Variants in ZDHHC7 observed in about 807,000 individuals in gnomAD.
The protein encoded by ZDHHC7 is palmitoyltransferase ZDHHC7.
A neutral mutation model predicts 34.1 loss-of-function variants in ZDHHC7; 12 were observed. The observed-to-expected ratio is 0.35, with a 90% CI of 0.23 to 0.57. ZDHHC7 has a LOEUF of 0.57. Among genes scored for constraint, ZDHHC7 ranks in the 20% least tolerant of loss-of-function variants. The pLI, the probability that ZDHHC7 is intolerant of heterozygous loss-of-function variation, is 0.84. For synonymous variants in ZDHHC7, 185 were observed against 155.4 expected (o/e 1.19, Z -1.42); for missense variants, 388 against 402.7 (o/e 0.96, Z 0.31).
rs1049586752 is a variant in ZDHHC7, at chr16:84,993,700, G to A, written c.-18+2222C>T. 2.6e-5 allele frequency among the ~76,000 whole-genome samples: 4 copies of A among 152,122 alleles called. No individual in the cohort carries two copies. The East Asian group carries it at 5.8e-4, about 22-fold the overall frequency. ...TAAAAATAATCATTTGAGTGAAATA[G>A]AAAAAACTAAAGATCAAAAGAATTT... On this transcript the variant is annotated intron_variant, in intron 2 of 7. Coordinates refer to ENST00000313732, the MANE Select transcript of ZDHHC7 (RefSeq NM_017740.3).
the ZDHHC7 span, among the ~76,000 whole-genome samples, chr16:85,019,798 T>C: frequency 6.6e-6 from 1 of 152,216 alleles, no homozygotes; most frequent in Non-Finnish European, 1.5e-5. Flanking sequence ...CTCACTATGA[T>C]TGGTCCCTTT....
chr16:84,990,310 G>T lies in ZDHHC7; in HGVS notation c.309C>A (p.Thr103=). The change falls in exon 3 of 8, where the codon ACC becomes ACA. Residue 103 remains threonine (T), a synonymous_variant. Coordinates refer to ENST00000313732, the MANE Select transcript of ZDHHC7 (RefSeq NM_017740.3). ...ALSSHLRTML[T]DPGAVPKGNA... The stretch of plus-strand genomic sequence containing the variant: ...AGACGCAGCCAGTACTCACAGGGTC[G>T]GTGAGCATGGTTCTCAGGTGGGATG... 6.2e-7 allele frequency: 1 copy of T among 1,613,542 alleles called. No individual in the cohort carries two copies. Among genetic ancestry groups the T allele is most frequent in the South Asian group, 1.1e-5 (1 of 91,048 alleles).
chr16:85,006,863 T>C (rs1189679387), intron 1 of ZDHHC7, among the ~76,000 whole-genome samples: 1 of 152,170 alleles, frequency 6.6e-6, no homozygotes, highest in Non-Finnish European at 1.5e-5. Flanking sequence ...CTCTTCCATA[T>C]GGTGCTCCTT....
At chr16:84,993,773 A>G (rs535655985) in intron 2 of ZDHHC7, among the ~76,000 whole-genome samples, 4 of 152,340 alleles carry the variant, frequency 2.6e-5, no homozygotes, top group African/African-American at 9.6e-5. Flanking sequence ...CTGAACCTAC[A>G]TCTTCTGCAT....
chr16:84,977,268 C>G, intron 6 of ZDHHC7, 43 bp from the exon 7 acceptor site: 2 of 1,604,634 alleles, frequency 1.2e-6, no homozygotes, highest in Non-Finnish European at 1.7e-6. Context: ...CCTGAATACC[C>G]CGAGTGGCAG....
chr16:85,020,803 G>C, the ZDHHC7 span, among the ~76,000 whole-genome samples: 1 of 152,052 alleles, frequency 6.6e-6, no homozygotes, highest in African/African-American at 2.4e-5. Flanking sequence ...GCACATTTGT[G>C]GTTTTTAAAG....
chr16:85,005,527 C>A (rs1345417947), intron 1 of ZDHHC7, among the ~76,000 whole-genome samples: 2 of 152,192 alleles, frequency 1.3e-5, no homozygotes, highest in African/African-American at 2.4e-5. Flanking sequence ...TTGCTCAGAT[C>A]CACAGCCAGT....
chr16:84,994,157 C>A (rs903776448), intron 2 of ZDHHC7, among the ~76,000 whole-genome samples: 21 of 152,244 alleles, frequency 1.4e-4, no homozygotes, highest in African/African-American at 4.1e-4. Flanking sequence ...TCAGCCCCTC[C>A]AGGGGGGTCT....
the ZDHHC7 span, among the ~76,000 whole-genome samples, chr16:85,018,896 T>C: frequency 2.0e-5 from 3 of 152,186 alleles, no homozygotes; most frequent in Non-Finnish European, 4.4e-5. Context: ...TCAACAGCCA[T>C]GCTAGGAAAG....
At chr16:84,979,374 T>C in intron 4 of ZDHHC7, 89 bp from the exon 5 acceptor site, 1 of 1,507,978 alleles carries the variant, frequency 6.6e-7, no homozygotes, top group Non-Finnish European at 8.9e-7. Context: ...GGAGGAAAAT[T>C]AGAATGTATA....
the ZDHHC7 span, among the ~76,000 whole-genome samples, chr16:85,018,963 G>A: frequency 2.6e-5 from 4 of 152,162 alleles, no homozygotes; most frequent in Admixed American, 2.6e-4. Context: ...AGAGGGTGAC[G>A]TGTCCCTGAA....
At chr16:85,024,804 C>T in the ZDHHC7 span, among the ~76,000 whole-genome samples, 2 of 152,168 alleles carry the variant, frequency 1.3e-5, no homozygotes, top group Non-Finnish European at 2.9e-5. Context: ...TCCAGTTATT[C>T]CAACAATCTG....
chr16:84,993,138 C>G (rs543510942), intron 2 of ZDHHC7, among the ~76,000 whole-genome samples: 2 of 152,178 alleles, frequency 1.3e-5, no homozygotes, highest in South Asian at 2.1e-4. Context: ...GCCTGGGCAA[C>G]AGAGTAAGAC....
chr16:85,015,656 T>C (rs1264836825), upstream of ZDHHC7, among the ~76,000 whole-genome samples: 1 of 152,014 alleles, frequency 6.6e-6, no homozygotes, highest in East Asian at 1.9e-4. Context: ...GAGACCAGCC[T>C]GAGAAATGTA....
chr16:85,001,699 C>T (rs1326767118), intron 1 of ZDHHC7, among the ~76,000 whole-genome samples: 1 of 152,152 alleles, frequency 6.6e-6, no homozygotes, highest in Admixed American at 6.5e-5. Flanking sequence ...AGAAGCAACA[C>T]ACCAACAGCC....
At chr16:85,016,713 G>A in the ZDHHC7 span, among the ~76,000 whole-genome samples, 1 of 151,838 alleles carries the variant, frequency 6.6e-6, no homozygotes, top group Non-Finnish European at 1.5e-5. Flanking sequence ...TCTCACCTCA[G>A]CCTCCCAAAG....
At chr16:85,021,054 G>C in the ZDHHC7 span, among the ~76,000 whole-genome samples, 8,549 of 151,680 alleles carry the variant, frequency 0.056, 286 homozygotes, top group Middle Eastern at 0.082. Flanking sequence ...GCAGTAAGCC[G>C]TGATCACACC....
Position 84,977,158 on chromosome 16 carries a change from C to G in ZDHHC7, c.687G>C (p.Leu229=). ...ACATAACTGCAGTGAAAGTGAAAAA[C>G]AGAAGACCCTCAAGGCACAGGAAGA... ...LLIFLCLEGL[L]FFTFTAVMFG... is the part of the protein sequence containing the mutation. The change falls in exon 7 of 8, where the codon CTG becomes CTC. Residue 229 remains leucine, a synonymous_variant. Transcript: ENST00000313732. The G allele has an allele frequency of 6.2e-7, 1 of 1,614,200 alleles. No individual in the cohort carries two copies. The highest frequency in any genetic ancestry group is 1.1e-5 in the South Asian group (1 of 91,088).
upstream of ZDHHC7, among the ~76,000 whole-genome samples, chr16:85,012,856 G>A (rs769446619): frequency 1.1e-4 from 16 of 152,108 alleles, no homozygotes; most frequent in Non-Finnish European, 2.1e-4. Context: ...GCAGTGGGCC[G>A]AGATCGCGCC....
Sources: allele counts gnomAD v4.1 joint callset (sites outside exome capture counted in the v4.1 genomes callset), GRCh38; gene constraint gnomAD v4.1.1; transcripts MANE v1.5; gene names NCBI Gene and HGNC (gene_info 2026-07-23, HGNC 2026-07-21).